The following GPR39 variants were observed in gnomAD, a reference collection of about 807,000 sequenced individuals.
GPR39 encodes the protein zinc sensing receptor.
GPR39 carries 23 observed loss-of-function variants against 18.4 expected under a neutral mutation model. The observed-to-expected ratio is 1.25, with a 90% confidence interval of 0.90 to 1.77. GPR39 has a LOEUF of 1.77. Among genes scored for constraint, GPR39 ranks in the 40% most tolerant of loss-of-function variants. The probability of loss-of-function intolerance (pLI) is 0.00; values close to 1 mark genes in which losing one functional copy is unlikely to be tolerated. For synonymous variants in GPR39, 280 were observed against 257.9 expected, an observed-to-expected ratio of 1.09 and a Z score of -0.82; for missense variants, 647 against 602.4, an observed-to-expected ratio of 1.07 and a Z score of -0.78.
At chr2:132,488,328 C>A (rs1681384629) in intron 1 of GPR39, among the ~76,000 whole-genome samples, 1 of 152,010 alleles carries the variant, frequency 6.6e-6, no homozygotes, top group African/African-American at 2.4e-5. Context: ...AAACAACATG[C>A]CTGTCATTAT....
chr2:132,571,164 G>A (rs1003719035), intron 1 of GPR39, among the ~76,000 whole-genome samples: 4 of 152,162 alleles, frequency 2.6e-5, no homozygotes, highest in Admixed American at 1.3e-4. Context: ...ATTAAGAAGC[G>A]ATTAAACAAA....
chr2:132,600,990 A>G (rs986648320), intron 1 of GPR39, among the ~76,000 whole-genome samples: 3 of 152,166 alleles, frequency 2.0e-5, no homozygotes, highest in African/African-American at 4.8e-5. Flanking sequence ...ATGCCCCTGC[A>G]TATCCATAGT....
rs1681183668 is a variant in GPR39, at chr2:132,608,652, G to T, written c.857-36449G>T. 2.6e-5 allele frequency among the ~76,000 whole-genome samples: 4 copies of T among 152,156 alleles called. No homozygotes were observed. In the South Asian group the frequency reaches 8.3e-4, roughly 32 times the overall value. ...GCAAACAATAAAGTAGCCTGGCAGG[G>T]CTTGGCATGTGGCAGAACAACCACA... On this transcript the variant is annotated intron_variant, in intron 1 of 1. Transcript: ENST00000329321.
At chr2:132,636,608 G>A (rs1256932459) in intron 1 of GPR39, among the ~76,000 whole-genome samples, 1 of 152,206 alleles carries the variant, frequency 6.6e-6, no homozygotes, top group African/African-American at 2.4e-5. Context: ...TTGGACTCAT[G>A]GGCTGTGTAA....
chr2:132,468,741 GGCAGGTCTCTGTCTGGCAGTCACTGGT>G (rs940652477), intron 1 of GPR39, among the ~76,000 whole-genome samples: 1 of 152,178 alleles, frequency 6.6e-6, no homozygotes, highest in Non-Finnish European at 1.5e-5. Flanking sequence ...GGTGGGGCAG[GGCAGGTCTCTGTCTGGCAGTCACTGGT>G]GCAGGTCGTT....
chr2:132,469,504 A>G (rs1680990765), intron 1 of GPR39, among the ~76,000 whole-genome samples: 1 of 152,198 alleles, frequency 6.6e-6, no homozygotes, highest in Admixed American at 6.5e-5. Flanking sequence ...CGCAAATAAC[A>G]CACTTTAGAA....
At chr2:132,620,718 A>G (rs1310581455) in intron 1 of GPR39, among the ~76,000 whole-genome samples, 1 of 152,070 alleles carries the variant, frequency 6.6e-6, no homozygotes, top group African/African-American at 2.4e-5. Context: ...AGTGGGTGCT[A>G]TTGAACTCAG....
intron 1 of GPR39, among the ~76,000 whole-genome samples, chr2:132,461,161 G>T (rs1330490304): frequency 6.6e-6 from 1 of 152,122 alleles, no homozygotes; most frequent in Admixed American, 6.5e-5. Flanking sequence ...TTCTCATTCT[G>T]CAGATAAGGA....
chr2:132,531,988 G>A (rs1459534313), intron 1 of GPR39, among the ~76,000 whole-genome samples: 21 of 152,062 alleles, frequency 1.4e-4, no homozygotes, highest in Admixed American at 1.4e-3. Context: ...AAGGCAAGAA[G>A]TAACTAAGAT....
intron 1 of GPR39, among the ~76,000 whole-genome samples, chr2:132,520,278 G>A (rs1392827699): frequency 6.6e-6 from 1 of 152,172 alleles, no homozygotes; most frequent in African/African-American, 2.4e-5. Context: ...TGTGGTACTT[G>A]CATCAAATAT....
At chr2:132,619,891 C>T (rs1234559220) in intron 1 of GPR39, among the ~76,000 whole-genome samples, 1 of 151,942 alleles carries the variant, frequency 6.6e-6, no homozygotes, top group Non-Finnish European at 1.5e-5. Flanking sequence ...CTACACCCCA[C>T]ACCACATCCC....
intron 1 of GPR39, among the ~76,000 whole-genome samples, chr2:132,461,813 C>T (rs1680837481): frequency 2.0e-5 from 3 of 152,174 alleles, no homozygotes; most frequent in Admixed American, 6.5e-5. Context: ...TCCTGGCAGC[C>T]ATTGCCCCAG....
chr2:132,592,688 G>T (rs116634601), intron 1 of GPR39, among the ~76,000 whole-genome samples: 23 of 152,134 alleles, frequency 1.5e-4, no homozygotes, highest in African/African-American at 4.6e-4. Flanking sequence ...GAAAGCTAAC[G>T]CAGTAATCCA....
intron 1 of GPR39, among the ~76,000 whole-genome samples, chr2:132,588,306 C>A (rs1015302969): frequency 6.6e-6 from 1 of 152,084 alleles, no homozygotes; most frequent in Admixed American, 6.6e-5. Flanking sequence ...GCTCTGTATC[C>A]CTTGGTGGGA....
At chr2:132,565,552 C>A (rs12990243) in intron 1 of GPR39, among the ~76,000 whole-genome samples, 1 of 105,276 alleles carries the variant, frequency 9.5e-6, no homozygotes, top group Non-Finnish European at 1.8e-5. Flanking sequence ...CCTCCCCCCT[C>A]CCCCCACCCC....
chr2:132,528,443 A>G (rs922972030), intron 1 of GPR39, among the ~76,000 whole-genome samples: 1 of 152,206 alleles, frequency 6.6e-6, no homozygotes, highest in Admixed American at 6.5e-5. Flanking sequence ...GAAATTTAAA[A>G]TAGTTTTTTC....
At chr2:132,456,499 G>A (rs987936827) in intron 1 of GPR39, among the ~76,000 whole-genome samples, 2 of 152,140 alleles carry the variant, frequency 1.3e-5, no homozygotes, top group Non-Finnish European at 2.9e-5. Flanking sequence ...ATACTGTTAT[G>A]TGTGAATCTG....
chr2:132,426,973 T>C (rs1680129465), intron 1 of GPR39, among the ~76,000 whole-genome samples: 1 of 151,814 alleles, frequency 6.6e-6, no homozygotes, highest in East Asian at 1.9e-4. Context: ...TCTCTTTCTT[T>C]AGTGAAGAGG....
chr2:132,447,156 C>G (rs1680551640), intron 1 of GPR39, among the ~76,000 whole-genome samples: 2 of 152,184 alleles, frequency 1.3e-5, no homozygotes, highest in African/African-American at 4.8e-5. Context: ...CGGTCTTCAT[C>G]CCTGTCCTAT....
Sources: allele counts gnomAD v4.1 joint callset (sites outside exome capture counted in the v4.1 genomes callset), GRCh38; gene constraint gnomAD v4.1.1; transcripts MANE v1.5; gene names NCBI Gene and HGNC (gene_info 2026-07-23, HGNC 2026-07-21).